RNF216: variants seen among roughly 807,000 people sequenced by gnomAD.
The protein encoded by RNF216 is E3 ubiquitin-protein ligase RNF216.
A neutral mutation model predicts 110.8 loss-of-function variants in RNF216; 72 were observed. The ratio of observed to expected loss-of-function variants is 0.65; its 90% CI spans 0.54 to 0.79. The LOEUF is 0.79. Among genes scored for constraint, RNF216 ranks in the 30% least tolerant of loss-of-function variants. The pLI, the probability that RNF216 is intolerant of heterozygous loss-of-function variation, is 0.00. For missense variants in RNF216, 1,342 were observed against 1,141.2 expected (o/e 1.18, Z -2.54); for synonymous variants, 495 against 407.5 (o/e 1.21, Z -2.59).
At chr7:5,746,358 A>G (rs1483033170) in intron 3 of RNF216, among the ~76,000 whole-genome samples, 1 of 152,186 alleles carries the variant, frequency 6.6e-6, no homozygotes, top group African/African-American at 2.4e-5. Flanking sequence ...CTCTTTGCAG[A>G]GGTCTTTACG....
chr7:5,709,816 G>A (rs528295994), intron 13 of RNF216, among the ~76,000 whole-genome samples: 18 of 152,250 alleles, frequency 1.2e-4, no homozygotes, highest in Non-Finnish European at 1.5e-4. Context: ...GTGCAGTGGC[G>A]CAATCATGGC....
Position 5,665,823 on chromosome 7 carries a change from A to G in RNF216, c.2062-13313T>C, listed in dbSNP as rs575271051. On this transcript the variant is annotated intron_variant, in intron 13 of 16. Transcript: ENST00000389902. ...GCTGTTTAACAGAATCACCGAGACT[A>G]TATCAGCAACGCCTAGGCAATGGCA... Among the ~76,000 whole-genome samples, 22 of 152,292 alleles carry G rather than the reference A, an allele frequency of 1.4e-4. No individual in the cohort carries two copies. The East Asian group carries it at 1.9e-3, about 13-fold the overall frequency.
intron 13 of RNF216, among the ~76,000 whole-genome samples, chr7:5,684,627 C>T (rs895106827): frequency 1.3e-5 from 2 of 152,158 alleles, no homozygotes; most frequent in African/African-American, 4.8e-5. Flanking sequence ...ACGTAGCTTT[C>T]CCAGTTCCAC....
chr7:5,639,759 CTTAATT>C (rs1562779381), intron 15 of RNF216, among the ~76,000 whole-genome samples: 2 of 150,808 alleles, frequency 1.3e-5, no homozygotes, highest in Non-Finnish European at 3.0e-5. Flanking sequence ...CGTGCCTAGC[CTTAATT>C]TTTTTTTTTT....
At chr7:5,714,370 T>C (rs904674016) in intron 11 of RNF216, among the ~76,000 whole-genome samples, 2 of 152,200 alleles carry the variant, frequency 1.3e-5, no homozygotes, top group African/African-American at 2.4e-5. Flanking sequence ...CCAATTCTCC[T>C]GCCTCAGCCT....
intron 1 of RNF216, among the ~76,000 whole-genome samples, chr7:5,772,716 C>T (rs1324016497): frequency 6.6e-6 from 1 of 151,462 alleles, no homozygotes; most frequent in Non-Finnish European, 1.5e-5. Flanking sequence ...ATATCAAAAC[C>T]AGGTTAGCAA....
chr7:5,757,459 A>C (rs4720640), intron 2 of RNF216, among the ~76,000 whole-genome samples: 1 of 151,884 alleles, frequency 6.6e-6, no homozygotes, highest in Non-Finnish European at 1.5e-5. Context: ...TTTCCTTCCT[A>C]ACAAAATTTT....
intron 1 of RNF216, among the ~76,000 whole-genome samples, chr7:5,781,251 A>G (rs954608641): frequency 2.0e-5 from 3 of 152,092 alleles, no homozygotes; most frequent in South Asian, 2.1e-4. Flanking sequence ...CTCGCGCAGC[A>G]GACCCGAGGG....
chr7:5,748,879 A>G (rs1386797972), intron 3 of RNF216, among the ~76,000 whole-genome samples: 1 of 152,036 alleles, frequency 6.6e-6, no homozygotes, highest in Non-Finnish European at 1.5e-5. Flanking sequence ...GTATTTGAAA[A>G]CTGGCAAATA....
chr7:5,766,706 C>T (rs12533583), intron 1 of RNF216, among the ~76,000 whole-genome samples: 4,682 of 152,286 alleles, frequency 0.031, 262 homozygotes, highest in Admixed American at 0.15. Flanking sequence ...TGGTATCAGT[C>T]AGCTTGAGCT....
intron 13 of RNF216, among the ~76,000 whole-genome samples, 160 bp from the exon 14 acceptor site, chr7:5,652,670 T>C (rs1009077541): frequency 6.6e-6 from 1 of 152,138 alleles, no homozygotes; most frequent in Non-Finnish European, 1.5e-5. Flanking sequence ...CATCTTTTAA[T>C]AGAAGAGGTT....
intron 13 of RNF216, among the ~76,000 whole-genome samples, chr7:5,700,937 G>A (rs1380475308): frequency 2.0e-5 from 3 of 152,142 alleles, no homozygotes; most frequent in Non-Finnish European, 2.9e-5. Flanking sequence ...CTCTAGTATA[G>A]CGTATCGCCG....
At chr7:5,641,524 T>C (rs1410617025) in intron 14 of RNF216, 148 bp from the exon 15 acceptor site, 5 of 667,102 alleles carry the variant, frequency 7.5e-6, no homozygotes, top group African/African-American at 1.8e-5. Flanking sequence ...GGTTTTGGAG[T>C]CTGAGAACTG....
intron 13 of RNF216, among the ~76,000 whole-genome samples, chr7:5,698,343 C>T (rs922378841): frequency 1.3e-5 from 2 of 151,330 alleles, no homozygotes; most frequent in African/African-American, 4.9e-5. Context: ...CCCAATTCAT[C>T]GGTTACAATG....
intron 13 of RNF216, among the ~76,000 whole-genome samples, chr7:5,653,191 T>G (rs74392896): frequency 0.042 from 6,417 of 152,234 alleles, 188 homozygotes; most frequent in East Asian, 0.093. Flanking sequence ...AAAGTTTCAC[T>G]TCATATATAA....
intron 1 of RNF216, among the ~76,000 whole-genome samples, chr7:5,772,277 G>C (rs1335394992): frequency 6.6e-6 from 1 of 152,066 alleles, no homozygotes; most frequent in Non-Finnish European, 1.5e-5. Flanking sequence ...GGAAATTCTG[G>C]GAAGACAGTA....
intron 5 of RNF216, among the ~76,000 whole-genome samples, chr7:5,735,443 T>TA (rs996489859): frequency 3.3e-5 from 5 of 151,728 alleles, no homozygotes; most frequent in South Asian, 2.1e-4. Context: ...TTAAAGAAAT[T>TA]AAAAAAAGAT....
intron 13 of RNF216, among the ~76,000 whole-genome samples, chr7:5,705,000 A>G (rs2128623671): frequency 6.6e-6 from 1 of 152,364 alleles, no homozygotes; most frequent in South Asian, 2.1e-4. Context: ...AAAGATGTGA[A>G]TAAATGAAAA....
At chr7:5,731,496 T>C (rs1227913876) in intron 5 of RNF216, among the ~76,000 whole-genome samples, 1 of 150,366 alleles carries the variant, frequency 6.7e-6, no homozygotes. Flanking sequence ...TAGAGTGAGA[T>C]AACACACACT....
Sources: allele counts gnomAD v4.1 joint callset (sites outside exome capture counted in the v4.1 genomes callset), GRCh38; gene constraint gnomAD v4.1.1; transcripts MANE v1.5; gene names NCBI Gene and HGNC (gene_info 2026-07-23, HGNC 2026-07-21).